The following GRIN2A variants were observed in gnomAD, a reference collection of about 807,000 sequenced individuals.
GRIN2A encodes glutamate ionotropic receptor NMDA type subunit 2A.
GRIN2A carries 22 observed loss-of-function variants against 113.4 expected under a neutral mutation model. That is an observed-to-expected ratio of 0.19 (90% CI 0.14 to 0.28). The LOEUF (loss-of-function observed/expected upper bound fraction) is 0.28, where lower values mean the gene tolerates loss of function less well. GRIN2A is among the 10% of genes least tolerant of loss of function. The probability of loss-of-function intolerance (pLI) is 1.00; values close to 1 mark genes in which losing one functional copy is unlikely to be tolerated. For synonymous variants in GRIN2A, 827 were observed against 738.4 expected (o/e 1.12, Z -1.94); for missense variants, 1,502 against 1,887.0 (o/e 0.80, Z 3.78).
Position 10,090,815 on chromosome 16 carries a change from A to G in GRIN2A, c.414+89183T>C, listed in dbSNP as rs985265691. Among the ~76,000 whole-genome samples, 5 of 152,220 alleles carry G rather than the reference A, an allele frequency of 3.3e-5. No homozygotes were observed. The East Asian group carries it at 9.6e-4, about 29-fold the overall frequency. ...TGATAAAGAACTGTATCAAAAATATATAAAGAACTCCTACAACTCAATAAT... is the reference window on the plus strand; with the variant it reads ...TGATAAAGAACTGTATCAAAAATATGTAAAGAACTCCTACAACTCAATAAT... On this transcript the variant is annotated intron_variant, in intron 2 of 12. Transcript: ENST00000330684.
rs576627707 is a variant in GRIN2A, at chr16:10,180,935, G to A, written c.-18-506C>T. ...CGTGCGGAGGCGGCACCCAGACCCC[G>A]CGTCCCAGCTTGAGAGCTCAGCTAG... On this transcript the variant is annotated intron_variant, in intron 1 of 12. Transcript: ENST00000330684. The surrounding 1 kb of genome is among the most constrained non-coding windows in gnomAD (Gnocchi z 7.0). 4.6e-5 allele frequency among the ~76,000 whole-genome samples: 7 copies of A among 152,258 alleles called. No homozygotes were observed. The highest frequency in any genetic ancestry group is 1.4e-4 in the African/African-American group (6 of 41,562).
chr16:9,990,555 G>A lies in GRIN2A; in HGVS notation c.415-52004C>T, dbSNP rs1446761025. Among the ~76,000 whole-genome samples the A allele has an allele frequency of 1.5e-3, 158 of 106,528 alleles. 2 individuals carry two copies. Among genetic ancestry groups the A allele is most frequent in the Admixed American group, 6.0e-3 (60 of 10,036 alleles). The allele number at this position is 106,528 out of a possible 152,430, so 69.9% of individuals were successfully genotyped here. A position where few individuals can be genotyped will look rare whatever the true frequency, so the allele number is the denominator to read the frequency against. On this transcript the variant is annotated intron_variant, in intron 2 of 12. Coordinates refer to ENST00000330684, the MANE Select transcript of GRIN2A (RefSeq NM_001134407.3). The stretch of plus-strand genomic sequence containing the variant: ...AATCTCTCTCTCTACACGCGCGCGC[G>A]CGCGCGCGCACACACACACACACAC...
At chr16:10,109,825 C>T (rs936922918) in intron 2 of GRIN2A, among the ~76,000 whole-genome samples, 2 of 152,102 alleles carry the variant, frequency 1.3e-5, no homozygotes, top group Admixed American at 6.5e-5. Flanking sequence ...ACATTGCATG[C>T]CTGTATTAAA....
At chr16:9,848,410 T>C (rs550515868) in intron 5 of GRIN2A, among the ~76,000 whole-genome samples, 43 of 150,714 alleles carry the variant, frequency 2.9e-4, no homozygotes, top group South Asian at 1.7e-3. Flanking sequence ...AAGACAGGGT[T>C]TAGCCATGTT....
At position 9,821,150 on chromosome 16, in the gene GRIN2A, T is replaced by C. The variant is rs866853501; in HGVS notation, c.2168+1114A>G. Among the ~76,000 whole-genome samples, 10 of 152,194 alleles carry C rather than the reference T, an allele frequency of 6.6e-5. No individual in the cohort carries two copies. In the Middle Eastern group the frequency reaches 0.01, roughly 155 times the overall value. ...AACAGCCGAAAAGGAGGTTATTTAT[T>C]AAGCCACAAGGAGAATGCACCTACA... On this transcript the variant is annotated intron_variant, in intron 10 of 12. Transcript: ENST00000330684.
chr16:9,760,177 G>A lies in GRIN2A; in HGVS notation c.*2972C>T, dbSNP rs1212474604. 2 of 226,406 alleles carry A rather than the reference G, an allele frequency of 8.8e-6. No homozygotes were observed. The highest frequency in any genetic ancestry group is 6.4e-5 in the East Asian group (1 of 15,734). 14.0% of individuals were successfully genotyped at this position (226,406 alleles called of 1,614,324 possible). A position where few individuals can be genotyped will look rare whatever the true frequency, so the allele number is the denominator to read the frequency against. On this transcript the variant is annotated 3_prime_UTR_variant, in exon 13 of 13. Coordinates refer to ENST00000330684, the MANE Select transcript of GRIN2A (RefSeq NM_001134407.3). ...AACTCAGAGCTGGGATATGTTACGG[G>A]AATCTTCTGTGATAGATCTATAGTC...
chr16:9,759,700 G>A lies in GRIN2A; in HGVS notation c.*3449C>T, dbSNP rs187532624. 6.6e-5 allele frequency: 15 copies of A among 228,990 alleles called. No individual in the cohort carries two copies. Among genetic ancestry groups the A allele is most frequent in the East Asian group, 4.4e-4 (7 of 16,030 alleles). 14.2% of individuals were successfully genotyped at this position (228,990 alleles called of 1,614,324 possible). Reference sequence around the variant, plus strand: ...CAGTCATGGTGCTGGCTAAAATAACGCAGAGAGATTTGCAGAGGACATAAC... The same window carrying A: ...CAGTCATGGTGCTGGCTAAAATAACACAGAGAGATTTGCAGAGGACATAAC... On this transcript the variant is annotated 3_prime_UTR_variant, in exon 13 of 13. Coordinates refer to ENST00000330684, the MANE Select transcript of GRIN2A (RefSeq NM_001134407.3).
intron 2 of GRIN2A, among the ~76,000 whole-genome samples, chr16:10,051,711 A>T (rs1385163549): frequency 6.6e-6 from 1 of 152,222 alleles, no homozygotes; most frequent in Non-Finnish European, 1.5e-5. Context: ...AAGGAGGTAG[A>T]AAATACCAGG....
chr16:9,882,328 C>T lies in GRIN2A; in HGVS notation c.1122+8658G>A, dbSNP rs753947998. 2.0e-5 allele frequency among the ~76,000 whole-genome samples: 3 copies of T among 152,336 alleles called. No individual in the cohort carries two copies. The South Asian group carries it at 6.2e-4, about 32-fold the overall frequency. On this transcript the variant is annotated intron_variant, in intron 4 of 12. Transcript: ENST00000330684. ...GCACAATGATACACCACAGTCAGAA[C>T]CACAGACTCAAGAGAGCAATCATAG...
At chr16:9,954,994 A>G (rs1035412137) in intron 2 of GRIN2A, among the ~76,000 whole-genome samples, 3 of 152,122 alleles carry the variant, frequency 2.0e-5, no homozygotes, top group African/African-American at 7.2e-5. Context: ...ATCACCTGGG[A>G]TCAGACTGTA....
intron 2 of GRIN2A, among the ~76,000 whole-genome samples, chr16:10,086,153 C>T (rs1372671865): frequency 1.3e-5 from 2 of 152,120 alleles, no homozygotes; most frequent in African/African-American, 4.8e-5. Context: ...ATTCTAAATA[C>T]TTTTTTATGC....
chr16:9,999,563 A>G (rs542537300), intron 2 of GRIN2A, among the ~76,000 whole-genome samples: 2 of 152,210 alleles, frequency 1.3e-5, no homozygotes, highest in African/African-American at 4.8e-5. Flanking sequence ...GGACACAGAA[A>G]GGGGAACATC....
chr16:10,032,546 T>C (rs1596445126), intron 2 of GRIN2A, among the ~76,000 whole-genome samples: 1 of 152,354 alleles, frequency 6.6e-6, no homozygotes, highest in South Asian at 2.1e-4. Context: ...AAGTGCTTTA[T>C]ATAAATTAAC....
At chr16:10,131,712 G>C (rs2049068067) in intron 2 of GRIN2A, among the ~76,000 whole-genome samples, 1 of 152,180 alleles carries the variant, frequency 6.6e-6, no homozygotes, top group Non-Finnish European at 1.5e-5. Flanking sequence ...AAGAGGTGGG[G>C]AAGAACATTT....
intron 2 of GRIN2A, among the ~76,000 whole-genome samples, chr16:9,967,486 A>C (rs1405763607): frequency 1.3e-5 from 2 of 152,356 alleles, no homozygotes; most frequent in Non-Finnish European, 2.9e-5. Context: ...CGGGTGGATC[A>C]CTTGAGGTCA....
intron 5 of GRIN2A, among the ~76,000 whole-genome samples, chr16:9,848,350 G>T (rs894267469): frequency 8.0e-5 from 12 of 150,414 alleles, no homozygotes; most frequent in Admixed American, 6.6e-4. Context: ...TGAGTAGCTG[G>T]GATCACAGGC....
At chr16:9,831,120 C>G (rs183486522) in intron 8 of GRIN2A, among the ~76,000 whole-genome samples, 82 of 152,208 alleles carry the variant, frequency 5.4e-4, no homozygotes, top group Admixed American at 5.1e-3. Context: ...CTGTCATTTC[C>G]CAAGAGTTGC....
At chr16:9,883,894 A>G (rs961484792) in intron 4 of GRIN2A, among the ~76,000 whole-genome samples, 1 of 152,238 alleles carries the variant, frequency 6.6e-6, no homozygotes, top group Non-Finnish European at 1.5e-5. Context: ...TCAGGAAGAC[A>G]CAAGGAAGGG....
chr16:9,937,998 T>G lies in GRIN2A; in HGVS notation c.968A>C (p.Gln323Pro). ...IPEAKASCYG[Q>P]MERPEVPMHT... ...CATCGGGACCTCTGGCCTCTCCATCTGCCCGTAGCAGCTGGCCTTGGCCTC... is the reference window on the plus strand; with the variant it reads ...CATCGGGACCTCTGGCCTCTCCATCGGCCCGTAGCAGCTGGCCTTGGCCTC... Residue 323 changes from glutamine to proline, a missense_variant, in exon 3 of 13, where the codon CAG becomes CCG. By Grantham distance (76) the Gln-to-Pro change is moderately conservative. Around this residue, in one of 7 missense-constraint regions of GRIN2A, gnomAD observed 334 missense variants for 403.0 expected, o/e 0.83. Transcript: ENST00000330684. The G allele has an allele frequency of 1.9e-6, 3 of 1,614,062 alleles. No homozygotes were observed. Among genetic ancestry groups the G allele is most frequent in the Non-Finnish European group, 2.5e-6 (3 of 1,179,944 alleles).
Sources: gnomAD v4.1 joint callset for allele counts (sites outside exome capture counted in the v4.1 genomes callset) on GRCh38, gnomAD v4.1.1 for gene constraint, gnomAD v4.1.1 regional missense constraint, Gnocchi (gnomAD v3.1) non-coding constraint, MANE v1.5 for transcripts, NCBI Gene and HGNC (gene_info 2026-07-23, HGNC 2026-07-21) for gene names.